The following ALK variants were observed in gnomAD, a reference collection of about 807,000 sequenced individuals.
The protein encoded by ALK is ALK receptor tyrosine kinase, also known as ALK tyrosine kinase receptor.
A neutral mutation model predicts 163.1 loss-of-function variants in ALK; 74 were observed. That is an observed-to-expected ratio of 0.45 (90% confidence interval 0.38 to 0.55). ALK has a LOEUF of 0.55. Among genes scored for constraint, ALK ranks in the 20% least tolerant of loss-of-function variants. The probability of loss-of-function intolerance (pLI) is 0.00; values close to 1 mark genes in which losing one functional copy is unlikely to be tolerated. For missense variants in ALK, 2,063 were observed against 2,105.3 expected (o/e 0.98, Z 0.39); for synonymous variants, 960 against 843.2 (o/e 1.14, Z -2.40).
chr2:29,798,005 T>G (rs1352142784), intron 1 of ALK, among the ~76,000 whole-genome samples: 2 of 152,156 alleles, frequency 1.3e-5, no homozygotes, highest in Non-Finnish European at 2.9e-5. Context: ...TAAGGAAGTC[T>G]TAAAGCTGCC....
intron 26 of ALK, among the ~76,000 whole-genome samples, chr2:29,199,904 T>C (rs1669115340): frequency 1.3e-5 from 2 of 152,244 alleles, no homozygotes; most frequent in South Asian, 4.1e-4. Flanking sequence ...AGTTCCTTCA[T>C]CTTCTAAGAA....
chr2:29,196,955 G>A lies in ALK; in HGVS notation c.4074-95C>T, dbSNP rs1669038359. The stretch of plus-strand genomic sequence containing the variant: ...CCAGGGTTGCAACGAATACGTTGAG[G>A]GTGCGAACTCGTCTAGGCCCCGTGT... On this transcript the variant is annotated intron_variant, in intron 27 of 28. Transcript: ENST00000389048. The A allele has an allele frequency of 2.9e-6, 3 of 1,034,136 alleles. No homozygotes were observed. The African/African-American group carries it at 4.7e-5, about 16-fold the overall frequency. The allele number at this position is 1,034,136 out of a possible 1,614,324, so 64.1% of individuals were successfully genotyped here.
intron 4 of ALK, among the ~76,000 whole-genome samples, chr2:29,436,535 T>C (rs962170535): frequency 6.6e-6 from 1 of 152,244 alleles, no homozygotes; most frequent in African/African-American, 2.4e-5. Flanking sequence ...ACTGAAGCTA[T>C]TAACAGAGAG....
At chr2:29,299,315 T>A (rs2148233178) in intron 8 of ALK, among the ~76,000 whole-genome samples, 1 of 152,368 alleles carries the variant, frequency 6.6e-6, no homozygotes, top group South Asian at 2.1e-4. Flanking sequence ...TGGTTTCTCA[T>A]GCCCTGTCAA....
chr2:29,689,962 C>T (rs1203521211), intron 3 of ALK, among the ~76,000 whole-genome samples: 1 of 152,154 alleles, frequency 6.6e-6, no homozygotes, highest in Non-Finnish European at 1.5e-5. Context: ...TCTTCAGAGC[C>T]TCCGGGAGGT....
chr2:29,506,742 T>A (rs541165540), intron 4 of ALK, among the ~76,000 whole-genome samples: 21 of 131,214 alleles, frequency 1.6e-4, no homozygotes, highest in Non-Finnish European at 2.6e-4. Context: ...CAAGACTCCG[T>A]CTCAAAAACA....
rs1332762008 is a variant in ALK at position 29,588,216 on chromosome 2, G to A, written c.953-56100C>T. Among the ~76,000 whole-genome samples the A allele has an allele frequency of 2.0e-5, 3 of 151,920 alleles. No homozygotes were observed. The East Asian group carries it at 5.8e-4, about 29-fold the overall frequency. On this transcript the variant is annotated intron_variant, in intron 3 of 28. Transcript: ENST00000389048. ...CCTAGCTATTCATGGAAAAAGAGATGAGAGAAAAATTTTTTATTTTTATTT... is the reference window on the plus strand; with the variant it reads ...CCTAGCTATTCATGGAAAAAGAGATAAGAGAAAAATTTTTTATTTTTATTT...
At chr2:29,412,580 A>T (rs1449178291) in intron 4 of ALK, among the ~76,000 whole-genome samples, 1 of 152,190 alleles carries the variant, frequency 6.6e-6, no homozygotes, top group Non-Finnish European at 1.5e-5. Flanking sequence ...TTTCTCTGGC[A>T]AATAATTTTT....
chr2:29,318,817 C>T (rs564320107), intron 7 of ALK, among the ~76,000 whole-genome samples: 5 of 152,226 alleles, frequency 3.3e-5, no homozygotes, highest in Admixed American at 1.3e-4. Flanking sequence ...CTGCCCGTCT[C>T]GGCCTCCCAA....
intron 4 of ALK, among the ~76,000 whole-genome samples, chr2:29,473,768 A>G (rs945817636): frequency 6.6e-6 from 1 of 152,198 alleles, no homozygotes; most frequent in Non-Finnish European, 1.5e-5. Context: ...AGGCAGGAGA[A>G]TCGCTTGAAT....
In ALK at chr2:29,830,310, C is replaced by T. The variant is rs866507786; in HGVS notation, c.667+89683G>A. On this transcript the variant is annotated intron_variant, in intron 1 of 28. Transcript: ENST00000389048. ...CAATCTTCAAAAAGTAGGGTTGTTGCTAACGTAATCTAGGAGAAAAATCAT... is the reference window on the plus strand; with the variant it reads ...CAATCTTCAAAAAGTAGGGTTGTTGTTAACGTAATCTAGGAGAAAAATCAT... 4.6e-5 allele frequency among the ~76,000 whole-genome samples: 7 copies of T among 152,284 alleles called. 1 individual carries two copies. The highest frequency in any genetic ancestry group is 6.8e-3 in the Middle Eastern group (2 of 294).
Position 29,246,055 on chromosome 2 carries a change from G to A in ALK, c.2204+5050C>T, listed in dbSNP as rs1664661938. Among the ~76,000 whole-genome samples, 1 of 152,234 alleles carries A rather than the reference G, an allele frequency of 6.6e-6. No individual in the cohort carries two copies. The highest frequency in any genetic ancestry group is 1.5e-5 in the Non-Finnish European group (1 of 68,032). On this transcript the variant is annotated intron_variant, in intron 12 of 28. Transcript: ENST00000389048. The surrounding 1 kb of genome is among the most constrained non-coding windows in gnomAD (Gnocchi z 4.3). Reference sequence around the variant, plus strand: ...TGTCCATTATGTCTGAAGAGCAGGTGAGCTGTGGGACGACTGCCTTCGGGA... The same window carrying A: ...TGTCCATTATGTCTGAAGAGCAGGTAAGCTGTGGGACGACTGCCTTCGGGA...
intron 4 of ALK, among the ~76,000 whole-genome samples, chr2:29,399,543 G>T (rs1669392629): frequency 6.6e-6 from 1 of 152,236 alleles, no homozygotes; most frequent in East Asian, 1.9e-4. Context: ...AGATTAGCTA[G>T]TGTGTGCCTG....
In ALK at chr2:29,194,320, G is replaced by C. The variant is rs560713330; in HGVS notation, c.4165-398C>G. Reference sequence around the variant, plus strand: ...AATAAAAATAAAAGCCTATGTGTTTGACTTCAAGAGTGATGGTGGGGGGCT... The same window carrying C: ...AATAAAAATAAAAGCCTATGTGTTTCACTTCAAGAGTGATGGTGGGGGGCT... On this transcript the variant is annotated intron_variant, in intron 28 of 28. Coordinates refer to ENST00000389048, the MANE Select transcript of ALK (RefSeq NM_004304.5). 2.6e-5 allele frequency among the ~76,000 whole-genome samples: 4 copies of C among 152,106 alleles called. 1 individual carries two copies. The highest frequency in any genetic ancestry group is 9.6e-5 in the African/African-American group (4 of 41,504).
intron 11 of ALK, among the ~76,000 whole-genome samples, chr2:29,263,418 A>G (rs2148206928): frequency 6.6e-6 from 1 of 152,334 alleles, no homozygotes; most frequent in Admixed American, 6.5e-5. Flanking sequence ...CACTTCCGAC[A>G]GATGAGCAGA....
chr2:29,876,686 T>TTATGGTAACG lies in ALK; in HGVS notation c.667+43306_667+43307insCGTTACCATA, dbSNP rs879429677. Among the ~76,000 whole-genome samples the TTATGGTAACG allele has an allele frequency of 1.6e-3, 219 of 138,074 alleles. 1 individual carries two copies. The highest frequency in any genetic ancestry group is 5.8e-3 in the African/African-American group (210 of 36,178). 90.6% of individuals were successfully genotyped at this position (138,074 alleles called of 152,430 possible). ...GTGGTGATGATGGTAACGATGGTGA[T>TTATGGTAACG]ATGGTGATGGTAGTGATGGTGATGG... On this transcript the variant is annotated intron_variant, in intron 1 of 28. Coordinates refer to ENST00000389048, the MANE Select transcript of ALK (RefSeq NM_004304.5).
At position 29,232,035 on chromosome 2, in the gene ALK, G is replaced by GCAAGTTGGTAAAACC. The variant is rs6146693; in HGVS notation, c.2632+268_2632+269insGGTTTTACCAACTTG. On this transcript the variant is annotated intron_variant, in intron 15 of 28. Transcript: ENST00000389048. Reference sequence around the variant, plus strand: ...ATCTCAGGGGGAGGCTCTAACAATTGCAGGGAGGGCCAGCTGGCTGATTGA... The same window carrying GCAAGTTGGTAAAACC: ...ATCTCAGGGGGAGGCTCTAACAATTGCAAGTTGGTAAAACCCAGGGAGGGCCAGCTGGCTGATTGA... Among the ~76,000 whole-genome samples, 94,007 of 151,978 alleles carry GCAAGTTGGTAAAACC rather than the reference G, an allele frequency of 0.62. 30,315 individuals carry two copies. Among genetic ancestry groups the GCAAGTTGGTAAAACC allele is most frequent in the Middle Eastern group, 0.78 (229 of 294 alleles).
intron 1 of ALK, among the ~76,000 whole-genome samples, chr2:29,831,839 C>T (rs768777991): frequency 3.3e-5 from 5 of 152,156 alleles, no homozygotes; most frequent in Non-Finnish European, 7.3e-5. Flanking sequence ...GAGTGCAAGA[C>T]ATTATTTGTG....
At chr2:29,839,026 A>AT (rs1246210606) in intron 1 of ALK, among the ~76,000 whole-genome samples, 1 of 152,150 alleles carries the variant, frequency 6.6e-6, no homozygotes. Context: ...CACTTTTACC[A>AT]CCCAAAATGA....
Sources: gnomAD v4.1 joint callset for allele counts (sites outside exome capture counted in the v4.1 genomes callset) on GRCh38, gnomAD v4.1.1 for gene constraint, Gnocchi (gnomAD v3.1) non-coding constraint, MANE v1.5 for transcripts, NCBI Gene and HGNC (gene_info 2026-07-23, HGNC 2026-07-21) for gene names.